Variants in LCE2A observed in about 807,000 individuals in gnomAD.
The protein encoded by LCE2A is late cornified envelope 2A, also known as late cornified envelope protein 2A.
For missense variants in LCE2A, 147 were observed against 137.6 expected (o/e 1.07, Z -0.34); for synonymous variants, 65 against 52.5 (o/e 1.24, Z -1.03).
At position 152,699,301 on chromosome 1, in the gene LCE2A, C is replaced by T. The variant is rs544252206; in HGVS notation, c.*79C>T. 5.1e-5 allele frequency: 76 copies of T among 1,502,608 alleles called. No homozygotes were observed. The African/African-American group carries it at 8.5e-4, about 17-fold the overall frequency. 93.1% of individuals were successfully genotyped at this position (1,502,608 alleles called of 1,614,324 possible). A position where few individuals can be genotyped will look rare whatever the true frequency, so the allele number is the denominator to read the frequency against. ...CTGTCCCAGAGTGATGCTTCTCCTG[C>T]CCCTTTTTCTCCTTTCCTTGGGCTG... On this transcript the variant is annotated 3_prime_UTR_variant, in exon 2 of 2. Transcript: ENST00000368779.
rs781545678 is a variant in LCE2A at position 152,699,117 on chromosome 1, C to T, written c.216C>T (p.His72=). Residue 72 remains histidine (H), a synonymous_variant, in exon 2 of 2, where the codon CAC becomes CAT. Coordinates refer to ENST00000368779, the MANE Select transcript of LCE2A (RefSeq NM_178428.4). Reference sequence around the variant, plus strand: ...GTGGCGGCTGCTGCCTGAGCCACCACAGGCCCCGTCTCTTCCACCGGCACC... The same window carrying T: ...GTGGCGGCTGCTGCCTGAGCCACCATAGGCCCCGTCTCTTCCACCGGCACC... The part of the protein sequence containing the change: ...SGGGGCCLSH[H]RPRLFHRHRH... 1 of 1,614,048 alleles carries T rather than the reference C, an allele frequency of 6.2e-7. No individual in the cohort carries two copies. The highest frequency in any genetic ancestry group is 8.5e-7 in the Non-Finnish European group (1 of 1,179,992).
At position 152,699,185 on chromosome 1, in the gene LCE2A, G is replaced by A. The variant is rs947670534; in HGVS notation, c.284G>A (p.Gly95Asp). ...TGTTGTGAGTGTGAACCTTCTGGGG[G>A]CTCTGGCTGCTGCCACAGCTCTGGG... ...PDCCECEPSG[G>D]SGCCHSSGDC... is the part of the protein sequence containing the mutation. The change falls in exon 2 of 2, where the codon GGC (glycine) becomes GAC (aspartate). Residue 95 changes from glycine to aspartate, a missense_variant. Transcript: ENST00000368779. 4 of 1,613,728 alleles carry A rather than the reference G, an allele frequency of 2.5e-6. No homozygotes were observed. Among genetic ancestry groups the A allele is most frequent in the African/African-American group, 1.3e-5 (1 of 75,028 alleles).
rs1649519673 is a variant in LCE2A at position 152,699,382 on chromosome 1, C to T, written c.*160C>T. The T allele has an allele frequency of 1.2e-6, 1 of 855,436 alleles. No homozygotes were observed. The highest frequency in any genetic ancestry group is 2.9e-5 in the Admixed American group (1 of 34,284). The allele number at this position is 855,436 out of a possible 1,614,324, so 53.0% of individuals were successfully genotyped here. On this transcript the variant is annotated 3_prime_UTR_variant, in exon 2 of 2. Coordinates refer to ENST00000368779, the MANE Select transcript of LCE2A (RefSeq NM_178428.4). ...CATGGCCCAAGAGCCCATCCTGGAT[C>T]CTGATCTTACCTTCCCACTTTACCT...
At position 152,699,108 on chromosome 1, in the gene LCE2A, G is replaced by A; in HGVS notation, c.207G>A (p.Leu69=). The change falls in exon 2 of 2, where the codon CTG becomes CTA. Residue 69 remains leucine, a synonymous_variant. Transcript: ENST00000368779. ...GCTCTGGGGGTGGCGGCTGCTGCCT[G>A]AGCCACCACAGGCCCCGTCTCTTCC... ...CCSSGGGGCC[L]SHHRPRLFHR... 11 of 1,613,918 alleles carry A rather than the reference G, an allele frequency of 6.8e-6. No individual in the cohort carries two copies. The highest frequency in any genetic ancestry group is 9.3e-6 in the Non-Finnish European group (11 of 1,179,974).
In LCE2A at chr1:152,699,158, A is replaced by G; in HGVS notation, c.257A>G (p.Asp86Gly). The change falls in exon 2 of 2, where the codon GAT becomes GGT. Residue 86 changes from aspartate to glycine, a missense_variant. Coordinates refer to ENST00000368779, the MANE Select transcript of LCE2A (RefSeq NM_178428.4). Reference sequence around the variant, plus strand: ...CACCGGCACCGGCACCAGAGCCCCGATTGTTGTGAGTGTGAACCTTCTGGG... The same window carrying G: ...CACCGGCACCGGCACCAGAGCCCCGGTTGTTGTGAGTGTGAACCTTCTGGG... Reference protein sequence around the residue: ...LFHRHRHQSPDCCECEPSGGS... With the variant: ...LFHRHRHQSPGCCECEPSGGS... 6.2e-7 allele frequency: 1 copy of G among 1,613,740 alleles called. No homozygotes were observed. Among genetic ancestry groups the G allele is most frequent in the South Asian group, 1.1e-5 (1 of 91,026 alleles).
chr1:152,698,763 G>GTA (rs1356393296), intron 1 of LCE2A, 119 bp from the exon 2 acceptor site: 22 of 782,338 alleles, frequency 2.8e-5, no homozygotes, highest in East Asian at 7.9e-5. Flanking sequence ...GTGTGTATGT[G>GTA]TATATATATA....
chr1:152,699,229 C>G lies in LCE2A; in HGVS notation c.*7C>G. 1.2e-6 allele frequency: 2 copies of G among 1,609,458 alleles called. No homozygotes were observed. The highest frequency in any genetic ancestry group is 1.7e-6 in the Non-Finnish European group (2 of 1,177,282). ...CTCTGGGGACTGCTGCTGACCAGAC[C>G]TCGAACATCACAGAGCAACCCTTAT... is the stretch of plus-strand genomic sequence containing the variant. On this transcript the variant is annotated 3_prime_UTR_variant, in exon 2 of 2. Transcript: ENST00000368779.
Position 152,698,960 on chromosome 1 carries a change from G to A in LCE2A, c.59G>A (p.Cys20Tyr), listed in dbSNP as rs58733562. ...CCCCCTCCCAAGTGCCCCCCAAAAT[G>A]CCCACCCAAGTGTCCTCCAAAGTGC... ...CQPPPKCPPK[C>Y]PPKCPPKCRP... The change falls in exon 2 of 2, where the codon TGC becomes TAC. Residue 20 changes from cysteine (C) to tyrosine (Y), a missense_variant. By Grantham distance (194) the Cys-to-Tyr change is radical. Transcript: ENST00000368779. The A allele has an allele frequency of 0.013, 20,398 of 1,613,934 alleles. 1,390 individuals are homozygous for A. The African/African-American group carries it at 0.19, about 15-fold the overall frequency.
chr1:152,698,982 G>A lies in LCE2A; in HGVS notation c.81G>A (p.Lys27=), dbSNP rs368594795. The A allele has an allele frequency of 6.2e-7, 1 of 1,614,050 alleles. No homozygotes were observed. The highest frequency in any genetic ancestry group is 2.2e-5 in the East Asian group (1 of 44,860). ...AATGCCCACCCAAGTGTCCTCCAAA[G>A]TGCCGACCTCAGTGCCCAGCCCCAT... is the stretch of plus-strand genomic sequence containing the variant. ...PPKCPPKCPP[K]CRPQCPAPCP... The change falls in exon 2 of 2, where the codon AAG becomes AAA. Residue 27 remains lysine, a synonymous_variant. Transcript: ENST00000368779.
rs762732012 is a variant in LCE2A at position 152,699,231 on chromosome 1, C to T, written c.*9C>T. The T allele has an allele frequency of 9.3e-6, 15 of 1,608,696 alleles. No individual in the cohort carries two copies. In the South Asian group the frequency reaches 1.1e-4, roughly 12 times the overall value. ...CTGGGGACTGCTGCTGACCAGACCT[C>T]GAACATCACAGAGCAACCCTTATGG... On this transcript the variant is annotated 3_prime_UTR_variant, in exon 2 of 2. Coordinates refer to ENST00000368779, the MANE Select transcript of LCE2A (RefSeq NM_178428.4).
At position 152,698,393 on chromosome 1, in the gene LCE2A, G is replaced by A. The variant is rs58027261; in HGVS notation, c.-22G>A. On this transcript the variant is annotated splice_region_variant and 5_prime_UTR_variant, in exon 1 of 2. Coordinates refer to ENST00000368779, the MANE Select transcript of LCE2A (RefSeq NM_178428.4). Reference sequence around the variant, plus strand: ...GTGTCTGTGCTCCTGTGTGTGACCAGGGTGAGTGGCAACCTGGGAGCCAGA... The same window carrying A: ...GTGTCTGTGCTCCTGTGTGTGACCAAGGTGAGTGGCAACCTGGGAGCCAGA... 8,455 of 165,172 alleles carry A rather than the reference G, an allele frequency of 0.051. 734 individuals carry two copies. The highest frequency in any genetic ancestry group is 0.18 in the African/African-American group (7,571 of 41,574). The allele number at this position is 165,172 out of a possible 1,614,324, so 10.2% of individuals were successfully genotyped here.
At chr1:152,698,780 C>T in intron 1 of LCE2A, 102 bp from the exon 2 acceptor site, 1 of 948,894 alleles carries the variant, frequency 1.1e-6, no homozygotes, top group South Asian at 1.5e-5. Flanking sequence ...TATACACACA[C>T]TGAGTATTAT....
chr1:152,699,246 A>C lies in LCE2A; in HGVS notation c.*24A>C. 6.3e-7 allele frequency: 1 copy of C among 1,598,688 alleles called. No homozygotes were observed. The highest frequency in any genetic ancestry group is 8.5e-7 in the Non-Finnish European group (1 of 1,171,774). On this transcript the variant is annotated 3_prime_UTR_variant, in exon 2 of 2. Coordinates refer to ENST00000368779, the MANE Select transcript of LCE2A (RefSeq NM_178428.4). ...GACCAGACCTCGAACATCACAGAGC[A>C]ACCCTTATGGAGAAACTTGCAACCA... is the stretch of plus-strand genomic sequence containing the variant.
rs1649513864 is a variant in LCE2A, at chr1:152,699,161, G to A, written c.260G>A (p.Cys87Tyr). ...FHRHRHQSPD[C>Y]CECEPSGGSG... is the part of the protein sequence containing the mutation. ...CGGCACCGGCACCAGAGCCCCGATT[G>A]TTGTGAGTGTGAACCTTCTGGGGGC... is the stretch of plus-strand genomic sequence containing the variant. Residue 87 changes from cysteine (C) to tyrosine (Y), a missense_variant, in exon 2 of 2, where the codon TGT becomes TAT. By Grantham distance (194) the Cys-to-Tyr change is radical. Transcript: ENST00000368779. 7 of 1,613,990 alleles carry A rather than the reference G, an allele frequency of 4.3e-6. No homozygotes were observed. The highest frequency in any genetic ancestry group is 5.9e-6 in the Non-Finnish European group (7 of 1,179,970).
At position 152,699,406 on chromosome 1, in the gene LCE2A, C is replaced by T. The variant is rs921789019; in HGVS notation, c.*184C>T. On this transcript the variant is annotated 3_prime_UTR_variant, in exon 2 of 2. Coordinates refer to ENST00000368779, the MANE Select transcript of LCE2A (RefSeq NM_178428.4). ...TCCTGATCTTACCTTCCCACTTTAC[C>T]TCATACAACAATAAAGCTCTTTTGC... The T allele has an allele frequency of 2.7e-5, 19 of 713,062 alleles. No individual in the cohort carries two copies. Among genetic ancestry groups the T allele is most frequent in the Middle Eastern group, 2.4e-4 (1 of 4,094 alleles). The allele number at this position is 713,062 out of a possible 1,614,324, so 44.2% of individuals were successfully genotyped here.
Position 152,699,231 on chromosome 1 carries a change from C to G in LCE2A, c.*9C>G, listed in dbSNP as rs762732012. ...CTGGGGACTGCTGCTGACCAGACCT[C>G]GAACATCACAGAGCAACCCTTATGG... On this transcript the variant is annotated 3_prime_UTR_variant, in exon 2 of 2. Transcript: ENST00000368779. 6.2e-7 allele frequency: 1 copy of G among 1,608,814 alleles called. No individual in the cohort carries two copies.
chr1:152,698,779 A>G (rs1354493919), intron 1 of LCE2A, 103 bp from the exon 2 acceptor site: 4 of 940,092 alleles, frequency 4.3e-6, no homozygotes, highest in Non-Finnish European at 6.7e-6. Context: ...ATATACACAC[A>G]CTGAGTATTA....
At position 152,698,939 on chromosome 1, in the gene LCE2A, C is replaced by T. The variant is rs112496497; in HGVS notation, c.38C>T (p.Pro13Leu). 2.2e-5 allele frequency: 36 copies of T among 1,614,180 alleles called. No homozygotes were observed. The highest frequency in any genetic ancestry group is 2.0e-4 in the African/African-American group (15 of 75,048). Residue 13 changes from proline (P) to leucine (L), a missense_variant, in exon 2 of 2, where the codon CCT becomes CTT. By Grantham distance (98) the Pro-to-Leu change is moderately conservative. Coordinates refer to ENST00000368779, the MANE Select transcript of LCE2A (RefSeq NM_178428.4). Reference sequence around the variant, plus strand: ...CAAAACCAGCAGCAGTGCCAGCCCCCTCCCAAGTGCCCCCCAAAATGCCCA... The same window carrying T: ...CAAAACCAGCAGCAGTGCCAGCCCCTTCCCAAGTGCCCCCCAAAATGCCCA... Reference protein sequence around the residue: ...CQQNQQQCQPPPKCPPKCPPK... With the variant: ...CQQNQQQCQPLPKCPPKCPPK...
intron 1 of LCE2A, 60 bp from the exon 2 acceptor site, chr1:152,698,822 A>T (rs1259026303): frequency 6.9e-7 from 1 of 1,443,486 alleles, no homozygotes; most frequent in African/African-American, 1.4e-5. Context: ...GTTTTAAAAG[A>T]GATAAAATTG....
Sources: allele counts gnomAD v4.1 joint callset, GRCh38; gene constraint gnomAD v4.1.1; transcripts MANE v1.5; gene names NCBI Gene and HGNC (gene_info 2026-07-23, HGNC 2026-07-21).